The following PLCL2 variants were observed in gnomAD, a reference collection of about 807,000 sequenced individuals.
PLCL2 encodes phospholipase C like 2, also known as inactive phospholipase C-like protein 2.
In PLCL2, 4 loss-of-function variants were observed where a neutral mutation model predicts 79.6. That is an observed-to-expected ratio of 0.05 (90% confidence interval 0.02 to 0.11). PLCL2 has a LOEUF of 0.11. PLCL2 is among the 10% of genes least tolerant of loss of function. PLCL2 has a pLI of 1.00. For missense variants in PLCL2, 895 were observed against 1,291.0 expected (o/e 0.69, Z 4.70); for synonymous variants, 484 against 457.7 (o/e 1.06, Z -0.73).
At chr3:16,918,707 C>G in intron 1 of PLCL2, among the ~76,000 whole-genome samples, 1 of 152,124 alleles carries the variant, frequency 6.6e-6, no homozygotes, top group East Asian at 1.9e-4. Context: ...AGTATAATGA[C>G]CTGGGCAAGG....
chr3:16,992,870 A>G (rs1331998026), intron 1 of PLCL2, among the ~76,000 whole-genome samples: 2 of 152,208 alleles, frequency 1.3e-5, no homozygotes, highest in African/African-American at 2.4e-5. Context: ...GCCCAAAGAT[A>G]CACATGGCTG....
At chr3:16,976,424 T>G (rs1387179863) in intron 1 of PLCL2, among the ~76,000 whole-genome samples, 1 of 152,234 alleles carries the variant, frequency 6.6e-6, no homozygotes, top group East Asian at 1.9e-4. Flanking sequence ...GGAGGCAGAA[T>G]TCTTTCTTCT....
chr3:16,963,817 C>G (rs1261608134), intron 1 of PLCL2, among the ~76,000 whole-genome samples: 1 of 151,710 alleles, frequency 6.6e-6, no homozygotes, highest in Non-Finnish European at 1.5e-5. Flanking sequence ...CACCCTTCTC[C>G]TAAGTGGCTG....
At chr3:16,935,550 G>T (rs1248828852) in intron 1 of PLCL2, among the ~76,000 whole-genome samples, 7 of 151,988 alleles carry the variant, frequency 4.6e-5, no homozygotes, top group Admixed American at 2.0e-4. Context: ...TCGGATATGT[G>T]TTGTAGGAAT....
intron 3 of PLCL2, among the ~76,000 whole-genome samples, chr3:17,023,178 G>A (rs556453467): frequency 8.5e-5 from 13 of 152,306 alleles, no homozygotes; most frequent in African/African-American, 2.6e-4. Flanking sequence ...TGCAAGAGGC[G>A]TTATTTCCTC....
At chr3:16,892,180 C>G (rs1163175359) in intron 1 of PLCL2, among the ~76,000 whole-genome samples, 3 of 152,196 alleles carry the variant, frequency 2.0e-5, no homozygotes, top group African/African-American at 4.8e-5. Context: ...GAATATAAAA[C>G]TCAGTGGGAT....
At position 17,010,591 on chromosome 3, in the gene PLCL2, T is replaced by C. The variant is rs755825893; in HGVS notation, c.1245T>C (p.Tyr415=). 6 of 1,614,202 alleles carry C rather than the reference T, an allele frequency of 3.7e-6. No homozygotes were observed. Among genetic ancestry groups the C allele is most frequent in the East Asian group, 2.2e-5 (1 of 44,890 alleles). ...ATTACCTTATGTCACCTGACTGTTA[T>C]ATATTCGATCCAGAACATAAGAAGG... ...FTNYLMSPDC[Y]IFDPEHKKVC... Residue 415 remains tyrosine (Y), a synonymous_variant, in exon 2 of 6, where the codon TAT becomes TAC. Transcript: ENST00000615277. The surrounding 1 kb of genome is among the most constrained non-coding windows in gnomAD (Gnocchi z 5.8).
intron 1 of PLCL2, among the ~76,000 whole-genome samples, chr3:16,912,287 A>G (rs1386906001): frequency 2.0e-5 from 3 of 152,004 alleles, no homozygotes; most frequent in Non-Finnish European, 2.9e-5. Flanking sequence ...CAAGATTGTG[A>G]TTGGTCTTTA....
intron 3 of PLCL2, among the ~76,000 whole-genome samples, chr3:17,019,530 A>G (rs2124897994): frequency 6.6e-6 from 1 of 152,022 alleles, no homozygotes; most frequent in South Asian, 2.1e-4. Flanking sequence ...TAGATGAATG[A>G]TCAATGTAGC....
chr3:16,986,719 G>C (rs1354885344), intron 1 of PLCL2, among the ~76,000 whole-genome samples: 1 of 151,984 alleles, frequency 6.6e-6, no homozygotes, highest in Non-Finnish European at 1.5e-5. Context: ...GGGTTCTTTA[G>C]CTCCTGCATT....
intron 1 of PLCL2, among the ~76,000 whole-genome samples, chr3:16,959,684 T>C (rs1232346272): frequency 6.6e-6 from 1 of 152,202 alleles, no homozygotes; most frequent in East Asian, 1.9e-4. Flanking sequence ...GATGGCTTCC[T>C]CATTGTGGTC....
At chr3:16,956,260 G>C (rs1245711590) in intron 1 of PLCL2, among the ~76,000 whole-genome samples, 1 of 152,162 alleles carries the variant, frequency 6.6e-6, no homozygotes, top group Admixed American at 6.5e-5. Flanking sequence ...TTTTGTCAAA[G>C]GCCTTTTCTG....
intron 3 of PLCL2, among the ~76,000 whole-genome samples, chr3:17,040,585 C>T (rs542604525): frequency 3.3e-5 from 5 of 152,158 alleles, no homozygotes; most frequent in African/African-American, 4.8e-5. Flanking sequence ...TGACAGCTGC[C>T]GCTTGCAAGT....
At chr3:16,951,345 CA>C in intron 1 of PLCL2, among the ~76,000 whole-genome samples, 1 of 151,730 alleles carries the variant, frequency 6.6e-6, no homozygotes, top group South Asian at 2.1e-4. Flanking sequence ...TTTTTTAGTT[CA>C]TTTATATTAA....
chr3:16,896,090 A>G (rs1295136022), intron 1 of PLCL2, among the ~76,000 whole-genome samples: 1 of 152,226 alleles, frequency 6.6e-6, no homozygotes, highest in Non-Finnish European at 1.5e-5. Flanking sequence ...GAAGTCTATC[A>G]TACTGCAACA....
chr3:17,005,012 C>T (rs946448380), intron 1 of PLCL2, among the ~76,000 whole-genome samples: 15 of 152,060 alleles, frequency 9.9e-5, no homozygotes, highest in Admixed American at 1.3e-4. Context: ...CACACCCTAG[C>T]CCCACACCAG....
chr3:17,022,903 C>G (rs1357503095), intron 3 of PLCL2, among the ~76,000 whole-genome samples: 1 of 152,192 alleles, frequency 6.6e-6, no homozygotes, highest in Non-Finnish European at 1.5e-5. Flanking sequence ...CTATTGCATT[C>G]ATTACGTTAT....
chr3:17,047,671 A>G (rs967258624), intron 4 of PLCL2, among the ~76,000 whole-genome samples: 8 of 152,172 alleles, frequency 5.3e-5, no homozygotes, highest in Non-Finnish European at 7.3e-5. Flanking sequence ...TGATTTGCCA[A>G]AAATAATTTG....
Position 17,042,885 on chromosome 3 carries a change from C to T in PLCL2, c.3030C>T (p.Ser1010=), listed in dbSNP as rs770060089. 5 of 1,610,452 alleles carry T rather than the reference C, an allele frequency of 3.1e-6. No homozygotes were observed. Among genetic ancestry groups the T allele is most frequent in the Non-Finnish European group, 4.2e-6 (5 of 1,177,100 alleles). The part of the protein sequence containing the change: ...IVTTYDMMIQ[S]LKALIENADA... ...TGTTCCCTTTGCAGATGATTCAGTC[C>T]CTCAAGGCGTTGATTGAAAATGCAG... The change falls in exon 4 of 6, where the codon TCC becomes TCT. Residue 1010 remains serine, a synonymous_variant. Transcript: ENST00000615277.
Sources: allele counts gnomAD v4.1 joint callset (sites outside exome capture counted in the v4.1 genomes callset), GRCh38; gene constraint gnomAD v4.1.1; non-coding constraint Gnocchi (gnomAD v3.1); transcripts MANE v1.5; gene names NCBI Gene and HGNC (gene_info 2026-07-23, HGNC 2026-07-21).